Variants in CALCOCO1 observed in about 807,000 individuals in gnomAD.
CALCOCO1 encodes the protein calcium binding and coiled-coil domain 1.
Under a neutral mutation model 86.3 loss-of-function variants are expected in CALCOCO1, and 44 were observed. The observed-to-expected ratio is 0.51, with a 90% CI of 0.40 to 0.66. CALCOCO1 has a LOEUF of 0.66. Ranked by LOEUF, CALCOCO1 falls within the 30% of genes least tolerant of loss-of-function variation. CALCOCO1 has a pLI of 0.00. For missense variants in CALCOCO1, 708 were observed against 851.1 expected (o/e 0.83, Z 2.09); for synonymous variants, 297 against 327.6 (o/e 0.91, Z 1.01).
chr12:53,714,899 T>G (rs989386754), intron 10 of CALCOCO1, among the ~76,000 whole-genome samples: 1 of 152,136 alleles, frequency 6.6e-6, no homozygotes, highest in Non-Finnish European at 1.5e-5. Context: ...TAAGTCTTAG[T>G]CTCTGCCTCT....
rs147139511 is a variant in CALCOCO1 at position 53,711,093 on chromosome 12, A to C, written c.*851T>G. 44 of 390,566 alleles carry C rather than the reference A, an allele frequency of 1.1e-4. No individual in the cohort carries two copies. Among genetic ancestry groups the C allele is most frequent in the African/African-American group, 8.5e-4 (41 of 48,318 alleles). The allele number at this position is 390,566 out of a possible 1,614,324, so 24.2% of individuals were successfully genotyped here. The stretch of plus-strand genomic sequence containing the variant: ...TGTGTTCCAGTCACACCTCATGATA[A>C]GAACACATTTTGTGACAACAGTCAT... On this transcript the variant is annotated 3_prime_UTR_variant, in exon 15 of 15. Coordinates refer to ENST00000550804, the MANE Select transcript of CALCOCO1 (RefSeq NM_020898.3).
rs1344431174 is a variant in CALCOCO1 at position 53,709,926 on chromosome 12, G to A, written c.*2018C>T. On this transcript the variant is annotated 3_prime_UTR_variant, in exon 15 of 15. Coordinates refer to ENST00000550804, the MANE Select transcript of CALCOCO1 (RefSeq NM_020898.3). ...CATGATTTCATTAAATGCACCTCCT[G>A]CTGGGGATGTTGGCTCATAATTCCT... 6.6e-6 allele frequency: 1 copy of A among 152,108 alleles called. No homozygotes were observed. Among genetic ancestry groups the A allele is most frequent in the Non-Finnish European group, 1.5e-5 (1 of 68,036 alleles). The allele number at this position is 152,108 out of a possible 1,614,324, so 9.4% of individuals were successfully genotyped here. A position where few individuals can be genotyped will look rare whatever the true frequency, so the allele number is the denominator to read the frequency against.
Position 53,713,741 on chromosome 12 carries a change from G to A in CALCOCO1, c.1751C>T (p.Pro584Leu), listed in dbSNP as rs1207509128. ...GTCCTCAGCTGGCCCAGAGAGGTGA[G>A]GAGAAATGGGAGCCGGCTGGCTGAT... ...VVISQPAPIS[P>L]HLSGPAEDSS... is the part of the protein sequence containing the mutation. Residue 584 changes from proline to leucine, a missense_variant, in exon 13 of 15, where the codon CCT becomes CTT. Pro to Leu is a moderately conservative substitution (Grantham distance 98, BLOSUM62 -3). Coordinates refer to ENST00000550804, the MANE Select transcript of CALCOCO1 (RefSeq NM_020898.3). 6.2e-7 allele frequency: 1 copy of A among 1,603,952 alleles called. No homozygotes were observed. Among genetic ancestry groups the A allele is most frequent in the Admixed American group, 1.7e-5 (1 of 58,414 alleles).
chr12:53,715,462 T>G (rs1281363913), intron 9 of CALCOCO1, 137 bp from the exon 10 acceptor site: 16 of 1,190,940 alleles, frequency 1.3e-5, no homozygotes, highest in Non-Finnish European at 1.8e-5. Context: ...CCTTTTTGCC[T>G]TCATTTCCTA....
chr12:53,715,100 G>T, intron 10 of CALCOCO1, 100 bp downstream of exon 10: 1 of 1,398,234 alleles, frequency 7.2e-7, no homozygotes, highest in Non-Finnish European at 9.7e-7. Context: ...ACATGGTAGT[G>T]GACACCTAGC....
At chr12:53,719,972 T>C (rs1945825307) in intron 6 of CALCOCO1, 143 bp from the exon 7 acceptor site, 1 of 536,148 alleles carries the variant, frequency 1.9e-6, no homozygotes, top group South Asian at 2.8e-5. Flanking sequence ...CCAAGCCAGC[T>C]GATCCAGTTC....
At position 53,711,876 on chromosome 12, in the gene CALCOCO1, AAGTGTATGCATGTGTGTG is replaced by A. The variant is rs570379403; in HGVS notation, c.*50_*67del. 492 of 1,342,160 alleles carry A rather than the reference AAGTGTATGCATGTGTGTG, an allele frequency of 3.7e-4. 3 individuals carry two copies. The South Asian group carries it at 7.5e-3, about 20-fold the overall frequency. The allele number at this position is 1,342,160 out of a possible 1,614,324, so 83.1% of individuals were successfully genotyped here. On this transcript the variant is annotated 3_prime_UTR_variant, in exon 15 of 15. Transcript: ENST00000550804. Reference sequence around the variant, plus strand: ...GTGATAGAAAATGGGCATGAAACCTAAGTGTATGCATGTGTGTGAGTGTGTGTGTGCATGAGTGTGTAT... The same window carrying A: ...GTGATAGAAAATGGGCATGAAACCTAAGTGTGTGTGTGCATGAGTGTGTAT...
rs1565641926 is a variant in CALCOCO1, at chr12:53,713,904, TAGG to T, written c.1592-7_1592-5del. 3.9e-6 allele frequency: 6 copies of T among 1,526,644 alleles called. No individual in the cohort carries two copies. In the South Asian group the frequency reaches 7.8e-5, roughly 20 times the overall value. 94.6% of individuals were successfully genotyped at this position (1,526,644 alleles called of 1,614,324 possible). On this transcript the variant is annotated splice_region_variant and splice_polypyrimidine_tract_variant and intron_variant, in intron 12 of 14. Coordinates refer to ENST00000550804, the MANE Select transcript of CALCOCO1 (RefSeq NM_020898.3). The stretch of plus-strand genomic sequence containing the variant: ...TCTGTCAGAGCTGCCGGGCAGCCTG[TAGG>T]AGATGAAGCAGGCAGAGAAGAAAAA...
At position 53,710,629 on chromosome 12, in the gene CALCOCO1, G is replaced by C. The variant is rs1440546357; in HGVS notation, c.*1315C>G. On this transcript the variant is annotated 3_prime_UTR_variant, in exon 15 of 15. Transcript: ENST00000550804. Reference sequence around the variant, plus strand: ...ACAGGTATGAGGGGATGGCAACAGAGAAAGAAACAGAAACAGAAACAGGAG... The same window carrying C: ...ACAGGTATGAGGGGATGGCAACAGACAAAGAAACAGAAACAGAAACAGGAG... The C allele has an allele frequency of 6.6e-6, 1 of 152,350 alleles. No homozygotes were observed. Among genetic ancestry groups the C allele is most frequent in the East Asian group, 1.9e-4 (1 of 5,202 alleles). 9.4% of individuals were successfully genotyped at this position (152,350 alleles called of 1,614,324 possible).
chr12:53,727,364 C>T (rs1044832302), intron 1 of CALCOCO1, 40 bp downstream of exon 1: 1 of 152,250 alleles, frequency 6.6e-6, no homozygotes, highest in African/African-American at 2.4e-5. Flanking sequence ...GTGACCCTCC[C>T]CTCCCATAAG....
Position 53,711,203 on chromosome 12 carries a change from G to A in CALCOCO1, c.*741C>T. On this transcript the variant is annotated 3_prime_UTR_variant, in exon 15 of 15. Coordinates refer to ENST00000550804, the MANE Select transcript of CALCOCO1 (RefSeq NM_020898.3). ...TTATTGCTGTGGGGGGACCTGGAGA[G>A]GGAGGGGGGCCTTGGAAATGGGGAT... The A allele has an allele frequency of 2.5e-6, 1 of 398,938 alleles. No individual in the cohort carries two copies. Among genetic ancestry groups the A allele is most frequent in the Non-Finnish European group, 4.4e-6 (1 of 226,034 alleles). 24.7% of individuals were successfully genotyped at this position (398,938 alleles called of 1,614,324 possible). A position where few individuals can be genotyped will look rare whatever the true frequency, so the allele number is the denominator to read the frequency against.
chr12:53,716,076 G>A, intron 8 of CALCOCO1, 29 bp from the exon 9 acceptor site: 1 of 1,608,206 alleles, frequency 6.2e-7, no homozygotes, highest in Non-Finnish European at 8.5e-7. Context: ...ATGGAGATCA[G>A]AGTTCCTAGT....
Position 53,719,841 on chromosome 12 carries a change from G to A in CALCOCO1, c.759-12C>T. 6.3e-7 allele frequency: 1 copy of A among 1,587,772 alleles called. No individual in the cohort carries two copies. The highest frequency in any genetic ancestry group is 8.6e-7 in the Non-Finnish European group (1 of 1,156,640). Reference sequence around the variant, plus strand: ...CTGTGTCTCTAAGCCTGTGATTGGTGGGATGACATGTCAGACAATCTGCTC... The same window carrying A: ...CTGTGTCTCTAAGCCTGTGATTGGTAGGATGACATGTCAGACAATCTGCTC... On this transcript the variant is annotated splice_polypyrimidine_tract_variant and intron_variant, in intron 6 of 14. Coordinates refer to ENST00000550804, the MANE Select transcript of CALCOCO1 (RefSeq NM_020898.3).
chr12:53,716,457 T>C (rs1424362385), intron 7 of CALCOCO1, 42 bp from the exon 8 acceptor site: 2 of 1,611,188 alleles, frequency 1.2e-6, no homozygotes, highest in Admixed American at 1.7e-5. Context: ...GGTATGTGTG[T>C]TGGGGTGGCT....
chr12:53,714,817 A>C, intron 10 of CALCOCO1, 124 bp from the exon 11 acceptor site: 1 of 539,098 alleles, frequency 1.9e-6, no homozygotes. Flanking sequence ...CCCTGCTCTG[A>C]CACACACACA....
chr12:53,713,657 C>A, intron 13 of CALCOCO1, 44 bp downstream of exon 13: 1 of 1,473,848 alleles, frequency 6.8e-7, no homozygotes, highest in Non-Finnish European at 9.0e-7. Context: ...GGGTTTGGCC[C>A]TGCCCCTCCT....
chr12:53,711,840 T>C lies in CALCOCO1; in HGVS notation c.*104A>G, dbSNP rs1945560195. ...GCAGTTCTTAGGGAACAGAATATCA[T>C]GGAGCCCAGTGTGATAGAAAATGGG... On this transcript the variant is annotated 3_prime_UTR_variant, in exon 15 of 15. Transcript: ENST00000550804. The C allele has an allele frequency of 6.0e-6, 6 of 995,646 alleles. No individual in the cohort carries two copies. The highest frequency in any genetic ancestry group is 3.6e-5 in the Admixed American group (1 of 28,048). The allele number at this position is 995,646 out of a possible 1,614,324, so 61.7% of individuals were successfully genotyped here.
chr12:53,724,552 G>C, intron 3 of CALCOCO1, 93 bp downstream of exon 3: 1 of 872,936 alleles, frequency 1.1e-6, no homozygotes, highest in Non-Finnish European at 1.9e-6. Context: ...CTTGTCCTTT[G>C]TGCCTAACTT....
At chr12:53,718,328 T>C (rs758495296) in intron 7 of CALCOCO1, among the ~76,000 whole-genome samples, 7 of 152,194 alleles carry the variant, frequency 4.6e-5, no homozygotes, top group Non-Finnish European at 8.8e-5. Context: ...ATTTCAAAGT[T>C]TGGTATGCCT....
Sources: gnomAD v4.1 joint callset for allele counts (sites outside exome capture counted in the v4.1 genomes callset) on GRCh38, gnomAD v4.1.1 for gene constraint, MANE v1.5 for transcripts, NCBI Gene and HGNC (gene_info 2026-07-23, HGNC 2026-07-21) for gene names.